The following ARMC9 variants were observed in gnomAD, a reference collection of about 807,000 sequenced individuals.
ARMC9 encodes the protein lisH domain-containing protein ARMC9.
ARMC9 carries 94 observed loss-of-function variants against 107.0 expected under a neutral mutation model. That is an observed-to-expected ratio of 0.88 (90% CI 0.74 to 1.04). The LOEUF (loss-of-function observed/expected upper bound fraction) is 1.04. ARMC9 is among the 50% of genes least tolerant of loss of function. The probability of loss-of-function intolerance (pLI) is 0.00; values close to 1 mark genes in which losing one functional copy is unlikely to be tolerated. For synonymous variants in ARMC9, 380 were observed against 396.9 expected (o/e 0.96, Z 0.51); for missense variants, 942 against 1,030.1 (o/e 0.91, Z 1.17).
At chr2:231,320,767 A>G (rs1280740735) in intron 19 of ARMC9, among the ~76,000 whole-genome samples, 1 of 152,118 alleles carries the variant, frequency 6.6e-6, no homozygotes, top group East Asian at 1.9e-4. Context: ...TCACTGAGGT[A>G]TTGGATCACA....
intron 7 of ARMC9, among the ~76,000 whole-genome samples, chr2:231,231,123 G>A (rs1174423779): frequency 2.0e-5 from 3 of 152,192 alleles, no homozygotes; most frequent in Non-Finnish European, 4.4e-5. Flanking sequence ...GAACTTCCGG[G>A]GGGAAGGGTT....
intron 13 of ARMC9, among the ~76,000 whole-genome samples, chr2:231,272,474 C>T (rs375960172): frequency 7.2e-5 from 11 of 151,916 alleles, no homozygotes; most frequent in African/African-American, 1.9e-4. Flanking sequence ...GGGTTACAGG[C>T]GTGAGCCACC....
intron 22 of ARMC9, among the ~76,000 whole-genome samples, chr2:231,356,850 AG>A (rs1345663236): frequency 6.6e-6 from 1 of 152,152 alleles, no homozygotes; most frequent in Admixed American, 6.5e-5. Context: ...TGGAGGTCTT[AG>A]GGGGCGTCTG....
intron 21 of ARMC9, among the ~76,000 whole-genome samples, chr2:231,347,918 G>A (rs1204113283): frequency 1.3e-5 from 2 of 152,112 alleles, no homozygotes; most frequent in African/African-American, 4.8e-5. Flanking sequence ...AATAAGTCTG[G>A]CAACTTCCTT....
At chr2:231,335,898 A>G (rs1361625874) in intron 20 of ARMC9, among the ~76,000 whole-genome samples, 1 of 152,098 alleles carries the variant, frequency 6.6e-6, no homozygotes, top group African/African-American at 2.4e-5. Flanking sequence ...CAATGTAGGG[A>G]AACCTTGTCT....
chr2:231,265,996 TAAAAA>T (rs541194304), intron 12 of ARMC9, among the ~76,000 whole-genome samples: 1 of 125,368 alleles, frequency 8.0e-6, no homozygotes. Context: ...AGACGCCATC[TAAAAA>T]AAAAAAAAAA....
At chr2:231,332,411 G>A (rs935844716) in intron 20 of ARMC9, among the ~76,000 whole-genome samples, 2 of 152,146 alleles carry the variant, frequency 1.3e-5, no homozygotes, top group South Asian at 2.1e-4. Flanking sequence ...AAAGTGAGTA[G>A]TCACTGCGTC....
chr2:231,298,943 G>T (rs571188912), intron 19 of ARMC9, among the ~76,000 whole-genome samples: 1 of 152,196 alleles, frequency 6.6e-6, no homozygotes, highest in East Asian at 1.9e-4. Context: ...CAAAAAAAGT[G>T]GGGGGCTGTA....
At chr2:231,267,186 G>A (rs1393068308) in intron 12 of ARMC9, among the ~76,000 whole-genome samples, 1 of 152,100 alleles carries the variant, frequency 6.6e-6, no homozygotes. Context: ...AGCGTCTGGC[G>A]GAATTGAAAG....
intron 23 of ARMC9, among the ~76,000 whole-genome samples, chr2:231,361,523 C>T (rs986266785): frequency 6.6e-6 from 1 of 151,466 alleles, no homozygotes; most frequent in Non-Finnish European, 1.5e-5. Context: ...AAATAGTGTC[C>T]TCTCTTCCAC....
chr2:231,200,145 GT>G (rs779289580), intron 1 of ARMC9, among the ~76,000 whole-genome samples: 4 of 152,194 alleles, frequency 2.6e-5, no homozygotes, highest in Non-Finnish European at 4.4e-5. Flanking sequence ...GGTTAACCAG[GT>G]GAAGAGAGGG....
chr2:231,312,763 T>C (rs1158812380), intron 19 of ARMC9, among the ~76,000 whole-genome samples: 4 of 152,198 alleles, frequency 2.6e-5, no homozygotes, highest in Non-Finnish European at 5.9e-5. Context: ...TCCTCAGTTC[T>C]TAATTTCAGA....
chr2:231,320,119 AG>A (rs2042916994), intron 19 of ARMC9, among the ~76,000 whole-genome samples: 1 of 152,046 alleles, frequency 6.6e-6, no homozygotes, highest in African/African-American at 2.4e-5. Flanking sequence ...TCACCCACTT[AG>A]CTGCTGTATG....
At chr2:231,292,237 T>C (rs1054608551) in intron 18 of ARMC9, among the ~76,000 whole-genome samples, 3 of 150,996 alleles carry the variant, frequency 2.0e-5, no homozygotes, top group African/African-American at 4.9e-5. Flanking sequence ...CAATCTCTTA[T>C]CGTACTCTAG....
chr2:231,229,158 C>G (rs2034962211), intron 7 of ARMC9, among the ~76,000 whole-genome samples: 1 of 151,984 alleles, frequency 6.6e-6, no homozygotes, highest in Non-Finnish European at 1.5e-5. Context: ...GGAGTGAACT[C>G]TGTAATGTGG....
chr2:231,259,188 C>T, intron 11 of ARMC9, 86 bp downstream of exon 11: 2 of 1,154,502 alleles, frequency 1.7e-6, no homozygotes, highest in Non-Finnish European at 2.5e-6. Context: ...ATCTTTTAAC[C>T]CATCTTCCAG....
Position 231,235,350 on chromosome 2 carries a change from A to G in ARMC9, c.749A>G (p.Asp250Gly), listed in dbSNP as rs1164715972. The change falls in exon 8 of 25, where the codon GAT becomes GGT. Residue 250 changes from aspartate (D) to glycine (G), a missense_variant. Transcript: ENST00000611582. ...ATTGGAGTCACAGCAGAGCTGGTGG[A>G]TTCTCTAGAGGCCACAGTCAGCGGC... ...NLIGVTAELV[D>G]SLEATVSGKM... 1 of 1,614,074 alleles carries G rather than the reference A, an allele frequency of 6.2e-7. No individual in the cohort carries two copies. Among genetic ancestry groups the G allele is most frequent in the Non-Finnish European group, 8.5e-7 (1 of 1,180,036 alleles).
intron 5 of ARMC9, among the ~76,000 whole-genome samples, chr2:231,219,556 C>T (rs2033891648): frequency 6.6e-6 from 1 of 152,112 alleles, no homozygotes; most frequent in Admixed American, 6.6e-5. Context: ...TGATCAATCT[C>T]TTTTATCTGG....
chr2:231,334,298 T>C (rs2043937834), intron 20 of ARMC9, among the ~76,000 whole-genome samples: 1 of 152,236 alleles, frequency 6.6e-6, no homozygotes, highest in Admixed American at 6.5e-5. Context: ...AAATCCAAAA[T>C]CAAGGTATCC....
Sources: allele counts gnomAD v4.1 joint callset (sites outside exome capture counted in the v4.1 genomes callset), GRCh38; gene constraint gnomAD v4.1.1; transcripts MANE v1.5; gene names NCBI Gene and HGNC (gene_info 2026-07-23, HGNC 2026-07-21).